The following SLC26A7 variants were observed in gnomAD, a reference collection of about 807,000 sequenced individuals.
SLC26A7 encodes the protein anion exchange transporter.
Under a neutral mutation model 82.5 loss-of-function variants are expected in SLC26A7, and 59 were observed. That is an observed-to-expected ratio of 0.72 (90% CI 0.58 to 0.89). The LOEUF is 0.89. Ranked by LOEUF, SLC26A7 falls within the 40% of genes least tolerant of loss-of-function variation. SLC26A7 has a pLI of 0.00. For missense variants in SLC26A7, 820 were observed against 793.0 expected, an observed-to-expected ratio of 1.03 and a Z score of -0.41; for synonymous variants, 271 against 274.3, an observed-to-expected ratio of 0.99 and a Z score of 0.12.
intron 5 of SLC26A7, among the ~76,000 whole-genome samples, chr8:91,326,589 G>C (rs1001428953): frequency 6.6e-6 from 1 of 152,118 alleles, no homozygotes; most frequent in Non-Finnish European, 1.5e-5. Context: ...ACATTCTGAA[G>C]TACTGGGGGT....
chr8:91,330,911 A>C (rs1270138636), intron 5 of SLC26A7, among the ~76,000 whole-genome samples: 5 of 152,116 alleles, frequency 3.3e-5, no homozygotes. Context: ...TTTAAACAAC[A>C]GAACTTTATT....
intron 15 of SLC26A7, 56 bp downstream of exon 15, chr8:91,369,889 G>T: frequency 1.4e-6 from 2 of 1,382,584 alleles, no homozygotes; most frequent in South Asian, 1.2e-5. Flanking sequence ...AGATAGACCA[G>T]AGAATAAAAT....
At chr8:91,359,463 A>C (rs1340091705) in intron 11 of SLC26A7, among the ~76,000 whole-genome samples, 1 of 152,154 alleles carries the variant, frequency 6.6e-6, no homozygotes, top group Non-Finnish European at 1.5e-5. Flanking sequence ...ATAGCTGAAA[A>C]ATTGCTTAAG....
chr8:91,292,177 C>T (rs1811888760), intron 3 of SLC26A7, among the ~76,000 whole-genome samples: 1 of 151,934 alleles, frequency 6.6e-6, no homozygotes, highest in African/African-American at 2.4e-5. Context: ...TGGTGGCGGG[C>T]ACCTGTAGTC....
chr8:91,381,133 A>G (rs1427521767), intron 15 of SLC26A7, among the ~76,000 whole-genome samples: 1 of 152,166 alleles, frequency 6.6e-6, no homozygotes, highest in East Asian at 1.9e-4. Flanking sequence ...GACAATTACA[A>G]AAAGAATCTC....
chr8:91,289,314 C>A, intron 3 of SLC26A7, 68 bp downstream of exon 3: 1 of 1,215,560 alleles, frequency 8.2e-7, no homozygotes, highest in Non-Finnish European at 1.2e-6. Context: ...TTACTGATTA[C>A]ATCTCCTTAG....
At chr8:91,359,538 T>A (rs1453517642) in intron 11 of SLC26A7, among the ~76,000 whole-genome samples, 1 of 152,140 alleles carries the variant, frequency 6.6e-6, no homozygotes, top group Non-Finnish European at 1.5e-5. Flanking sequence ...GTAAGCAATG[T>A]GGTGTGTGCA....
intron 2 of SLC26A7, among the ~76,000 whole-genome samples, chr8:91,224,668 G>T (rs1308187550): frequency 6.6e-6 from 1 of 152,330 alleles, no homozygotes; most frequent in East Asian, 1.9e-4. Context: ...ACCCAGTTGG[G>T]TGGCACAGGG....
In SLC26A7 at chr8:91,259,739, A is replaced by G. The variant is rs71528791; in HGVS notation, c.193+9895A>G. Among the ~76,000 whole-genome samples the G allele has an allele frequency of 4.4e-3, 671 of 152,130 alleles. 5 individuals carry two copies. Among genetic ancestry groups the G allele is most frequent in the African/African-American group, 0.016 (653 of 41,518 alleles). ...TCCCCTGCCTTGTCCCTTTCACCTG[A>G]TTATAACCTACCATATTTCAGGAAT... On this transcript the variant is annotated intron_variant, in intron 2 of 18. Coordinates refer to ENST00000276609, the MANE Select transcript of SLC26A7 (RefSeq NM_052832.4).
intron 5 of SLC26A7, among the ~76,000 whole-genome samples, chr8:91,318,918 G>A (rs1469927801): frequency 1.3e-5 from 2 of 152,094 alleles, no homozygotes; most frequent in African/African-American, 4.8e-5. Context: ...TTTTCGAAGT[G>A]GACCTAAAAT....
rs1304151076 is a variant in SLC26A7 at position 91,362,349 on chromosome 8, T to C, written c.1315-4T>C. ...ACAACTTCTGTTTCTTGTTTCTCTT[T>C]CAGGGAATATGGGTCAGTACATATG... is the stretch of plus-strand genomic sequence containing the variant. On this transcript the variant is annotated splice_region_variant and splice_polypyrimidine_tract_variant and intron_variant, in intron 11 of 18. Transcript: ENST00000276609. 2 of 1,597,606 alleles carry C rather than the reference T, an allele frequency of 1.3e-6. No homozygotes were observed. The highest frequency in any genetic ancestry group is 1.7e-5 in the Admixed American group (1 of 57,856).
At position 91,262,567 on chromosome 8, in the gene SLC26A7, G is replaced by A. The variant is rs537263925; in HGVS notation, c.193+12723G>A. On this transcript the variant is annotated intron_variant, in intron 2 of 18. Coordinates refer to ENST00000276609, the MANE Select transcript of SLC26A7 (RefSeq NM_052832.4). ...ATCAGCCAGCATCATGGAAGGTCAT[G>A]TGTTGGTGTCCCCCGTCCTCGCATT... Among the ~76,000 whole-genome samples the A allele has an allele frequency of 3.7e-4, 57 of 152,176 alleles. 1 individual carries two copies. The highest frequency in any genetic ancestry group is 6.6e-4 in the Non-Finnish European group (45 of 67,966).
chr8:91,336,629 C>T (rs1336913382), intron 6 of SLC26A7, among the ~76,000 whole-genome samples: 1 of 152,074 alleles, frequency 6.6e-6, no homozygotes, highest in African/African-American at 2.4e-5. Context: ...GGTGCAATCC[C>T]CCCCTTGCCC....
chr8:91,351,640 A>G (rs1029559718), intron 9 of SLC26A7, among the ~76,000 whole-genome samples, 170 bp from the exon 10 acceptor site: 3 of 152,124 alleles, frequency 2.0e-5, no homozygotes, highest in African/African-American at 4.8e-5. Context: ...GGCTTCCCTC[A>G]GTTGCAAAAT....
At chr8:91,282,896 G>T (rs576126058) in intron 2 of SLC26A7, among the ~76,000 whole-genome samples, 3 of 152,156 alleles carry the variant, frequency 2.0e-5, no homozygotes, top group African/African-American at 7.2e-5. Flanking sequence ...CCCTCCTCAG[G>T]CATCTACTCT....
intron 2 of SLC26A7, among the ~76,000 whole-genome samples, chr8:91,259,932 AAAAT>A (rs1373355599): frequency 2.0e-5 from 3 of 152,132 alleles, no homozygotes; most frequent in African/African-American, 7.2e-5. Flanking sequence ...AACTAATGAA[AAAAT>A]AAATAAAAAT....
chr8:91,289,276 G>A, intron 3 of SLC26A7, 30 bp downstream of exon 3: 1 of 1,525,056 alleles, frequency 6.6e-7, no homozygotes, highest in Non-Finnish European at 9.1e-7. Context: ...TGCTTCTAAT[G>A]TTACTCGCAA....
At chr8:91,231,741 G>T (rs953459642) in intron 2 of SLC26A7, among the ~76,000 whole-genome samples, 4 of 152,034 alleles carry the variant, frequency 2.6e-5, no homozygotes, top group Non-Finnish European at 5.9e-5. Context: ...CAGGCAGGAG[G>T]CAAATACTGT....
At chr8:91,356,140 TG>T (rs1468693353) in intron 11 of SLC26A7, among the ~76,000 whole-genome samples, 1 of 152,218 alleles carries the variant, frequency 6.6e-6, no homozygotes, top group Non-Finnish European at 1.5e-5. Context: ...GTTGGACATT[TG>T]GGTTGGTTCC....
Sources: allele counts gnomAD v4.1 joint callset (sites outside exome capture counted in the v4.1 genomes callset), GRCh38; gene constraint gnomAD v4.1.1; transcripts MANE v1.5; gene names NCBI Gene and HGNC (gene_info 2026-07-23, HGNC 2026-07-21).